Variants in MAD1L1 observed in about 807,000 individuals in gnomAD.
The protein encoded by MAD1L1 is mitotic arrest deficient 1 like 1, also known as mitotic spindle assembly checkpoint protein MAD1.
Under a neutral mutation model 96.9 loss-of-function variants are expected in MAD1L1, and 95 were observed. The observed-to-expected ratio is 0.98, with a 90% CI of 0.83 to 1.16. MAD1L1 has a LOEUF of 1.16. MAD1L1 is among the 50% of genes most tolerant of loss of function. The pLI is 0.00. For synonymous variants in MAD1L1, 473 were observed against 396.6 expected, an observed-to-expected ratio of 1.19 and a Z score of -2.29; for missense variants, 1,007 against 954.4, an observed-to-expected ratio of 1.06 and a Z score of -0.73.
intron 11 of MAD1L1, among the ~76,000 whole-genome samples, chr7:2,122,917 C>G (rs567638075): frequency 5.9e-5 from 9 of 152,226 alleles, no homozygotes; most frequent in Non-Finnish European, 1.0e-4. Flanking sequence ...TGAGCTTCCC[C>G]GTCACCGTCT....
At chr7:1,821,099 G>T in intron 18 of MAD1L1, among the ~76,000 whole-genome samples, 1 of 149,038 alleles carries the variant, frequency 6.7e-6, no homozygotes, top group East Asian at 2.0e-4. Context: ...AAAAAGGGGG[G>T]GGGGAGAGTG....
intron 18 of MAD1L1, 100 bp from the exon 19 acceptor site, chr7:1,816,328 C>A: frequency 2.4e-6 from 3 of 1,254,766 alleles, no homozygotes; most frequent in Non-Finnish European, 2.3e-6. Flanking sequence ...TGGGGGCTTC[C>A]CTCAGTCTGA....
intron 10 of MAD1L1, among the ~76,000 whole-genome samples, chr7:2,150,495 C>T (rs561807556): frequency 1.3e-5 from 2 of 152,200 alleles, no homozygotes; most frequent in African/African-American, 2.4e-5. Context: ...AGCCCCTCCC[C>T]CGGTCTTCCA....
chr7:2,026,268 T>C (rs1206701075), intron 12 of MAD1L1, among the ~76,000 whole-genome samples: 3 of 152,180 alleles, frequency 2.0e-5, no homozygotes, highest in Non-Finnish European at 4.4e-5. Flanking sequence ...ACCAGGAAGA[T>C]AATTCACAAT....
At chr7:2,205,581 C>A (rs1432812582) in intron 10 of MAD1L1, among the ~76,000 whole-genome samples, 1 of 152,124 alleles carries the variant, frequency 6.6e-6, no homozygotes, top group Non-Finnish European at 1.5e-5. Context: ...GCCAAAACAC[C>A]CTCAAGCCCT....
chr7:1,891,517 T>A (rs963164299), intron 18 of MAD1L1, among the ~76,000 whole-genome samples: 1 of 145,922 alleles, frequency 6.9e-6, no homozygotes, highest in Non-Finnish European at 1.5e-5. Flanking sequence ...AGAACAAGAC[T>A]CTGTCTCAAA....
chr7:1,819,033 G>A (rs1370905825), intron 18 of MAD1L1, among the ~76,000 whole-genome samples: 3 of 152,096 alleles, frequency 2.0e-5, no homozygotes, highest in Non-Finnish European at 4.4e-5. Flanking sequence ...GCCACATTGG[G>A]AGGCTCCACC....
At chr7:1,960,687 G>C (rs1413146844) in intron 15 of MAD1L1, among the ~76,000 whole-genome samples, 4 of 152,194 alleles carry the variant, frequency 2.6e-5, no homozygotes, top group Admixed American at 6.5e-5. Context: ...GAAATAGACG[G>C]GTCCTCAATG....
intron 18 of MAD1L1, among the ~76,000 whole-genome samples, chr7:1,858,470 G>A (rs1475533049): frequency 3.3e-5 from 5 of 152,240 alleles, no homozygotes; most frequent in Non-Finnish European, 5.9e-5. Flanking sequence ...AGAGGGTGGC[G>A]TCCACGGCGT....
chr7:2,161,861 C>G (rs1790152923), intron 10 of MAD1L1, among the ~76,000 whole-genome samples: 1 of 151,706 alleles, frequency 6.6e-6, no homozygotes, highest in African/African-American at 2.4e-5. Context: ...AGGAGCCCCT[C>G]TGCCCAGCAG....
chr7:2,129,965 C>T (rs1788432400), intron 11 of MAD1L1, among the ~76,000 whole-genome samples: 1 of 152,214 alleles, frequency 6.6e-6, no homozygotes, highest in South Asian at 2.1e-4. Flanking sequence ...TTCTGGGGCC[C>T]AGCAGAAGGG....
At chr7:2,056,608 C>T (rs913121332) in intron 12 of MAD1L1, among the ~76,000 whole-genome samples, 8 of 152,180 alleles carry the variant, frequency 5.3e-5, no homozygotes, top group Non-Finnish European at 8.8e-5. Context: ...TGAGCGAGGG[C>T]GGTGCTCACC....
chr7:1,998,846 C>G (rs1781671292), intron 14 of MAD1L1, among the ~76,000 whole-genome samples: 2 of 151,508 alleles, frequency 1.3e-5, no homozygotes, highest in Admixed American at 1.3e-4. Context: ...TAACCCCACT[C>G]ACTGCTGGAC....
rs984830729 is a variant in MAD1L1 at position 2,139,376 on chromosome 7, C to T, written c.1073+9776G>A. 3.9e-5 allele frequency among the ~76,000 whole-genome samples: 6 copies of T among 152,014 alleles called. 1 individual carries two copies. In the South Asian group the frequency reaches 8.3e-4, roughly 21 times the overall value. ...AGGGCTTGCCAAGGCGGGAGCGCTGCGGGCCCCAGGACGCACACTGAGATG... is the reference window on the plus strand; with the variant it reads ...AGGGCTTGCCAAGGCGGGAGCGCTGTGGGCCCCAGGACGCACACTGAGATG... On this transcript the variant is annotated intron_variant, in intron 11 of 18. Coordinates refer to ENST00000265854, the MANE Select transcript of MAD1L1 (RefSeq NM_001013836.2).
intron 12 of MAD1L1, among the ~76,000 whole-genome samples, chr7:2,049,457 G>T (rs899442743): frequency 6.6e-6 from 1 of 152,190 alleles, no homozygotes; most frequent in Non-Finnish European, 1.5e-5. Context: ...AAAAGGCTCG[G>T]GGGCAGCTCA....
chr7:2,022,117 A>T (rs1270105221), intron 12 of MAD1L1, among the ~76,000 whole-genome samples: 1 of 152,040 alleles, frequency 6.6e-6, no homozygotes, highest in African/African-American at 2.4e-5. Flanking sequence ...CGCTGAGCCT[A>T]GCTTACTTTC....
chr7:2,138,074 C>T (rs1788840531), intron 11 of MAD1L1, among the ~76,000 whole-genome samples: 1 of 152,238 alleles, frequency 6.6e-6, no homozygotes, highest in Admixed American at 6.5e-5. Context: ...AGTCCCAGGC[C>T]CTTCACCAGG....
intron 17 of MAD1L1, among the ~76,000 whole-genome samples, chr7:1,915,791 C>G (rs115378591): frequency 6.6e-6 from 1 of 152,196 alleles, no homozygotes; most frequent in Admixed American, 6.5e-5. Context: ...CCTCCCCTCA[C>G]GCCACGAACA....
intron 4 of MAD1L1, 53 bp downstream of exon 4, chr7:2,225,357 C>A: frequency 1.2e-6 from 2 of 1,603,258 alleles, no homozygotes; most frequent in Non-Finnish European, 1.7e-6. Context: ...CCGTGCACAG[C>A]CCCCTTGCTT....
Sources: gnomAD v4.1 joint callset for allele counts (sites outside exome capture counted in the v4.1 genomes callset) on GRCh38, gnomAD v4.1.1 for gene constraint, MANE v1.5 for transcripts, NCBI Gene and HGNC (gene_info 2026-07-23, HGNC 2026-07-21) for gene names.